The following CCDC171 variants were observed in gnomAD, a reference collection of about 807,000 sequenced individuals.
CCDC171 encodes the protein coiled-coil domain containing 171.
Under a neutral mutation model 168.2 loss-of-function variants are expected in CCDC171, and 177 were observed. The ratio of observed to expected loss-of-function variants is 1.05; its 90% CI spans 0.93 to 1.19. The LOEUF (loss-of-function observed/expected upper bound fraction) is 1.19. CCDC171 is among the 50% of genes most tolerant of loss of function. The pLI is 0.00. For missense variants in CCDC171, 1,991 were observed against 1,539.0 expected (o/e 1.29, Z -4.91); for synonymous variants, 687 against 540.8 (o/e 1.27, Z -3.75).
intron 7 of CCDC171, among the ~76,000 whole-genome samples, chr9:16,035,876 T>C (rs910342018): frequency 4.6e-5 from 7 of 152,244 alleles, no homozygotes; most frequent in Admixed American, 3.9e-4. Flanking sequence ...TCTACCGCTA[T>C]GCAGAAACAG....
downstream of CCDC171, among the ~76,000 whole-genome samples, chr9:16,064,331 C>T (rs1833968353): frequency 6.6e-6 from 1 of 151,968 alleles, no homozygotes; most frequent in African/African-American, 2.4e-5. Flanking sequence ...TGAAGATGGC[C>T]GAATTGTCTT....
chr9:15,925,310 A>G (rs75143512), intron 25 of CCDC171, among the ~76,000 whole-genome samples: 2 of 151,598 alleles, frequency 1.3e-5, no homozygotes, highest in East Asian at 1.9e-4. Context: ...GAATTATCCA[A>G]TGATGCAAAA....
rs948061248 is a variant in CCDC171 at position 15,973,703 on chromosome 9, A to G, written c.*1867A>G. 1 of 152,212 alleles carries G rather than the reference A, an allele frequency of 6.6e-6. No homozygotes were observed. Among genetic ancestry groups the G allele is most frequent in the Non-Finnish European group, 1.5e-5 (1 of 68,038 alleles). The allele number at this position is 152,212 out of a possible 1,614,324, so 9.4% of individuals were successfully genotyped here. On this transcript the variant is annotated 3_prime_UTR_variant, in exon 26 of 26. Coordinates refer to ENST00000380701, the MANE Select transcript of CCDC171 (RefSeq NM_173550.4). ...TATTTATTGTTTTTATACAGATCAT[A>G]TAATTTCTGCACATTTCAGAACACC... is the stretch of plus-strand genomic sequence containing the variant.
At chr9:15,741,465 C>T (rs1330812477) in intron 16 of CCDC171, among the ~76,000 whole-genome samples, 1 of 152,130 alleles carries the variant, frequency 6.6e-6, no homozygotes, top group Non-Finnish European at 1.5e-5. Context: ...GTACTTCATT[C>T]CTTTTTATGG....
chr9:16,083,207 A>G, the CCDC171 span, among the ~76,000 whole-genome samples: 10 of 152,314 alleles, frequency 6.6e-5, no homozygotes, highest in East Asian at 1.5e-3. Context: ...ATTTTCTAAG[A>G]CATTTCCACA....
At chr9:16,095,677 C>A in the CCDC171 span, among the ~76,000 whole-genome samples, 1 of 151,896 alleles carries the variant, frequency 6.6e-6, no homozygotes, top group Non-Finnish European at 1.5e-5. Context: ...AATCATAGAG[C>A]AGGAGCTTTG....
chr9:15,907,622 C>T (rs570819794), intron 24 of CCDC171, among the ~76,000 whole-genome samples: 1 of 152,204 alleles, frequency 6.6e-6, no homozygotes, highest in African/African-American at 2.4e-5. Context: ...TCTAAAACAC[C>T]AAAAGCAATG....
intron 25 of CCDC171, among the ~76,000 whole-genome samples, chr9:15,940,304 G>T (rs1827568146): frequency 1.3e-5 from 2 of 151,860 alleles, no homozygotes; most frequent in Non-Finnish European, 2.9e-5. Context: ...TGATCTACCT[G>T]TAGAACTCAG....
chr9:16,060,539 G>C (rs1389684320), intron 1 of CCDC171: 1 of 152,252 alleles, frequency 6.6e-6, no homozygotes, highest in Non-Finnish European at 1.5e-5. Flanking sequence ...CTCTGTAAAT[G>C]GTGGGTTCAT....
chr9:15,808,233 C>G (rs1385588385), intron 21 of CCDC171, among the ~76,000 whole-genome samples: 1 of 152,022 alleles, frequency 6.6e-6, no homozygotes, highest in East Asian at 1.9e-4. Flanking sequence ...AGAAGGAGAG[C>G]AAGTCAACAG....
intron 16 of CCDC171, among the ~76,000 whole-genome samples, chr9:15,740,030 C>G (rs998616345): frequency 2.6e-4 from 39 of 152,232 alleles, no homozygotes; most frequent in African/African-American, 9.4e-4. Context: ...AGCCACCGTG[C>G]CTGGCCCTCC....
In CCDC171 at chr9:15,692,530, C is replaced by T. The variant is rs1188794187; in HGVS notation, c.1216-2705C>T. Among the ~76,000 whole-genome samples, 4 of 142,734 alleles carry T rather than the reference C, an allele frequency of 2.8e-5. No homozygotes were observed. The East Asian group carries it at 8.2e-4, about 29-fold the overall frequency. The allele number at this position is 142,734 out of a possible 152,430, so 93.6% of individuals were successfully genotyped here. ...TTCTCAGAGACAACCATCATTACTA[C>T]TTTTTTTTTTTTTTTGAGACAGAGT... On this transcript the variant is annotated intron_variant, in intron 10 of 25. Transcript: ENST00000380701.
At chr9:15,634,132 A>C (rs1361183767) in intron 7 of CCDC171, among the ~76,000 whole-genome samples, 5 of 152,200 alleles carry the variant, frequency 3.3e-5, no homozygotes, top group African/African-American at 1.2e-4. Context: ...ATATGTAACT[A>C]ACCTGCATAT....
chr9:15,772,170 C>T (rs1021906733), intron 18 of CCDC171, among the ~76,000 whole-genome samples: 12 of 152,092 alleles, frequency 7.9e-5, no homozygotes, highest in African/African-American at 2.9e-4. Flanking sequence ...TCCATCTTTT[C>T]CCTGATTAAG....
chr9:15,930,030 C>T (rs1376788371), intron 25 of CCDC171, among the ~76,000 whole-genome samples: 1 of 151,542 alleles, frequency 6.6e-6, no homozygotes, highest in Non-Finnish European at 1.5e-5. Context: ...CTTACGTAAC[C>T]AATTAGTTGT....
chr9:15,732,628 A>C (rs1295802411), intron 16 of CCDC171, among the ~76,000 whole-genome samples: 1 of 152,114 alleles, frequency 6.6e-6, no homozygotes, highest in African/African-American at 2.4e-5. Flanking sequence ...ATCAGTAGTT[A>C]ATTCCTTTTT....
Position 16,057,328 on chromosome 9 carries a change from C to A in CCDC171, n.90-3318C>A, listed in dbSNP as rs1586868297. On this transcript the variant is annotated intron_variant and non_coding_transcript_variant, in intron 1 of 1. Transcript: ENST00000478913. ...GCCCAGAGGATTTTATTATCTTTTA[C>A]AATATGGAGAAAACAGTTTCTGATA... 1.3e-5 allele frequency among the ~76,000 whole-genome samples: 2 copies of A among 152,268 alleles called. 1 individual carries two copies. Among genetic ancestry groups the A allele is most frequent in the Middle Eastern group, 6.8e-3 (2 of 294 alleles).
At chr9:15,849,529 A>G (rs577262573) in intron 23 of CCDC171, among the ~76,000 whole-genome samples, 7 of 151,768 alleles carry the variant, frequency 4.6e-5, no homozygotes, top group Middle Eastern at 3.4e-3. Context: ...CAGCATAATA[A>G]AAGTATTATG....
chr9:16,072,573 G>T, the CCDC171 span, among the ~76,000 whole-genome samples: 1 of 152,134 alleles, frequency 6.6e-6, no homozygotes, highest in African/African-American at 2.4e-5. Flanking sequence ...GCTGTGGGAT[G>T]AGTCCTGGCT....
Sources: gnomAD v4.1 joint callset for allele counts (sites outside exome capture counted in the v4.1 genomes callset) on GRCh38, gnomAD v4.1.1 for gene constraint, MANE v1.5 for transcripts, NCBI Gene and HGNC (gene_info 2026-07-23, HGNC 2026-07-21) for gene names.